Variants in HS3ST5 observed in about 807,000 individuals in gnomAD.
HS3ST5 encodes the protein heparan sulfate-glucosamine 3-sulfotransferase 5, also known as heparan sulfate glucosamine 3-O-sulfotransferase 5.
A neutral mutation model predicts 25.4 loss-of-function variants in HS3ST5; 10 were observed. The observed-to-expected ratio is 0.39, with a 90% CI of 0.24 to 0.67. The LOEUF (loss-of-function observed/expected upper bound fraction) is 0.67. HS3ST5 is among the 30% of genes least tolerant of loss of function. The probability of loss-of-function intolerance (pLI) is 0.44; values close to 1 mark genes in which losing one functional copy is unlikely to be tolerated. For missense variants in HS3ST5, 324 were observed against 420.7 expected, an observed-to-expected ratio of 0.77 and a Z score of 2.01; for synonymous variants, 170 against 162.4, an observed-to-expected ratio of 1.05 and a Z score of -0.36.
chr6:114,222,473 T>A (rs1449376265), intron 2 of HS3ST5, among the ~76,000 whole-genome samples: 1 of 151,876 alleles, frequency 6.6e-6, no homozygotes, highest in Admixed American at 6.6e-5. Context: ...TCAGCTGAAA[T>A]CACTGTACAA....
chr6:114,261,995 AAAT>A (rs1242258507), intron 1 of HS3ST5, among the ~76,000 whole-genome samples: 1 of 152,186 alleles, frequency 6.6e-6, no homozygotes, highest in Non-Finnish European at 1.5e-5. Flanking sequence ...CAGCAGCAGA[AAAT>A]AATGAGTATT....
intron 2 of HS3ST5, among the ~76,000 whole-genome samples, chr6:114,196,248 C>T (rs1016496662): frequency 2.6e-5 from 4 of 151,934 alleles, no homozygotes; most frequent in Admixed American, 6.6e-5. Flanking sequence ...GATGCATTGG[C>T]GAGACTGTAA....
chr6:114,231,976 C>T (rs1345852420), intron 1 of HS3ST5, among the ~76,000 whole-genome samples: 2 of 152,016 alleles, frequency 1.3e-5, no homozygotes, highest in African/African-American at 4.8e-5. Context: ...GTAGGAATAC[C>T]CTAAACATTT....
intron 1 of HS3ST5, among the ~76,000 whole-genome samples, chr6:114,233,335 A>G (rs1293555697): frequency 1.3e-5 from 2 of 152,202 alleles, no homozygotes; most frequent in Non-Finnish European, 2.9e-5. Flanking sequence ...TTTTATCAAT[A>G]CTAATAATTC....
intron 2 of HS3ST5, among the ~76,000 whole-genome samples, chr6:114,182,395 G>A (rs1459228976): frequency 6.6e-6 from 1 of 152,180 alleles, no homozygotes; most frequent in African/African-American, 2.4e-5. Flanking sequence ...GTCAGGTTAA[G>A]AGGAAAAAAT....
chr6:114,062,785 C>G lies in HS3ST5; in HGVS notation c.61G>C (p.Val21Leu). The stretch of plus-strand genomic sequence containing the variant: ...GCGACTAGATACAGGAGACTCCCAA[C>G]GGCAAGGCTTCCCAGCACCAGGAGC... ...QKLLVLGSLA[V>L]GSLLYLVARV... The change falls in exon 4 of 5, where the codon GTT (valine) becomes CTT (leucine). Residue 21 changes from valine to leucine, a missense_variant. Transcript: ENST00000312719. 6.2e-7 allele frequency: 1 copy of G among 1,614,122 alleles called. No homozygotes were observed. Among genetic ancestry groups the G allele is most frequent in the Non-Finnish European group, 8.5e-7 (1 of 1,179,960 alleles).
At chr6:114,150,774 C>G (rs529381582) in intron 3 of HS3ST5, among the ~76,000 whole-genome samples, 80 of 152,320 alleles carry the variant, frequency 5.3e-4, no homozygotes, top group African/African-American at 1.8e-3. Flanking sequence ...AAAGCCTTAT[C>G]ATTTGTACTC....
intron 1 of HS3ST5, among the ~76,000 whole-genome samples, chr6:114,303,989 C>T (rs754705113): frequency 1.3e-5 from 2 of 152,086 alleles, no homozygotes; most frequent in Non-Finnish European, 2.9e-5. Flanking sequence ...TCCATGTGGA[C>T]CTCAGAGAAG....
chr6:114,157,510 A>G (rs1339744289), intron 3 of HS3ST5, among the ~76,000 whole-genome samples: 1 of 152,210 alleles, frequency 6.6e-6, no homozygotes, highest in Non-Finnish European at 1.5e-5. Context: ...GATTTATTAC[A>G]CAGTGTGGTG....
chr6:114,126,913 C>T (rs1485492031), intron 3 of HS3ST5, among the ~76,000 whole-genome samples: 1 of 152,156 alleles, frequency 6.6e-6, no homozygotes, highest in Non-Finnish European at 1.5e-5. Flanking sequence ...GATGGTTTTA[C>T]CACTTGCCAA....
chr6:114,106,916 T>C lies in HS3ST5; in HGVS notation c.-32-44039A>G, dbSNP rs141221075. 4.8e-3 allele frequency among the ~76,000 whole-genome samples: 727 copies of C among 152,228 alleles called. 7 individuals are homozygous for C. The highest frequency in any genetic ancestry group is 0.017 in the African/African-American group (695 of 41,558). The stretch of plus-strand genomic sequence containing the variant: ...TTTATCACATCTCAGACTTTGTTTC[T>C]GATGCTAAAATTAGAAGACCAACAA... On this transcript the variant is annotated intron_variant, in intron 3 of 4. Transcript: ENST00000312719.
chr6:114,227,698 T>C lies in HS3ST5; in HGVS notation c.-145+887A>G, dbSNP rs1771367968. On this transcript the variant is annotated intron_variant, in intron 2 of 4. Transcript: ENST00000312719. ...GTTCTTTTAAAATCTAAGTCTGAGC[T>C]TTCAAAATGAAGAGAAAAAGACACA... is the stretch of plus-strand genomic sequence containing the variant. Among the ~76,000 whole-genome samples the C allele has an allele frequency of 2.0e-5, 3 of 152,078 alleles. No individual in the cohort carries two copies. The South Asian group carries it at 6.2e-4, about 31-fold the overall frequency.
chr6:114,268,290 T>G (rs1773495572), intron 1 of HS3ST5, among the ~76,000 whole-genome samples: 1 of 152,184 alleles, frequency 6.6e-6, no homozygotes. Flanking sequence ...GTATTCTTAT[T>G]CTTGGAATAA....
intron 1 of HS3ST5, among the ~76,000 whole-genome samples, chr6:114,329,987 GAC>G (rs1776326499): frequency 6.6e-6 from 1 of 152,294 alleles, no homozygotes; most frequent in African/African-American, 2.4e-5. Context: ...GTCGGCAAAA[GAC>G]ACACACTTGC....
intron 3 of HS3ST5, among the ~76,000 whole-genome samples, chr6:114,090,814 CT>C (rs1775082318): frequency 6.6e-6 from 1 of 152,188 alleles, no homozygotes; most frequent in Non-Finnish European, 1.5e-5. Context: ...AGTTATCTTG[CT>C]AATTAACCTG....
intron 1 of HS3ST5, among the ~76,000 whole-genome samples, chr6:114,275,527 A>G (rs1220504858): frequency 6.6e-6 from 1 of 152,010 alleles, no homozygotes; most frequent in African/African-American, 2.4e-5. Context: ...GTACATGATG[A>G]CCAGGTGGCT....
intron 3 of HS3ST5, among the ~76,000 whole-genome samples, chr6:114,132,877 C>G (rs140302492): frequency 7.7e-4 from 117 of 152,292 alleles, no homozygotes; most frequent in African/African-American, 2.6e-3. Flanking sequence ...TTTTGACTTT[C>G]TTCCGGGAGA....
chr6:114,302,696 C>G (rs1019905251), intron 1 of HS3ST5, among the ~76,000 whole-genome samples: 2 of 152,298 alleles, frequency 1.3e-5, no homozygotes, highest in South Asian at 2.1e-4. Context: ...TCTTTCTACT[C>G]TCCTTTCTCG....
In HS3ST5 at chr6:114,057,574, A is replaced by G; in HGVS notation, c.724T>C (p.Leu242=). 2 of 1,614,158 alleles carry G rather than the reference A, an allele frequency of 1.2e-6. No individual in the cohort carries two copies. The highest frequency in any genetic ancestry group is 1.7e-6 in the Non-Finnish European group (2 of 1,180,040). The change falls in exon 5 of 5, where the codon TTG becomes CTG. Residue 242 remains leucine, a synonymous_variant. Transcript: ENST00000312719. ...SIYTKHLERW[L]KYFPIEQFHV... is the part of the protein sequence containing the mutation. Reference sequence around the variant, plus strand: ...AATTGCTCAATTGGAAAGTATTTCAACCACCTTTCCAGATGTTTGGTGTAG... The same window carrying G: ...AATTGCTCAATTGGAAAGTATTTCAGCCACCTTTCCAGATGTTTGGTGTAG...
Sources: allele counts gnomAD v4.1 joint callset (sites outside exome capture counted in the v4.1 genomes callset), GRCh38; gene constraint gnomAD v4.1.1; transcripts MANE v1.5; gene names NCBI Gene and HGNC (gene_info 2026-07-23, HGNC 2026-07-21).